ILRUN: variants seen among roughly 807,000 people sequenced by gnomAD.
The protein encoded by ILRUN is inflammation and lipid regulator with UBA-like and NBR1-like domains.
Under a neutral mutation model 33.8 loss-of-function variants are expected in ILRUN, and 3 were observed. That is an observed-to-expected ratio of 0.09 (90% CI 0.04 to 0.23). The LOEUF is 0.23. ILRUN is among the 10% of genes least tolerant of loss of function. ILRUN has a pLI of 1.00. For synonymous variants in ILRUN, 124 were observed against 138.9 expected, an observed-to-expected ratio of 0.89 and a Z score of 0.75; for missense variants, 210 against 375.1, an observed-to-expected ratio of 0.56 and a Z score of 3.64.
intron 4 of ILRUN, among the ~76,000 whole-genome samples, chr6:34,591,405 C>T (rs1340047325): frequency 5.3e-5 from 8 of 152,064 alleles, no homozygotes; most frequent in African/African-American, 1.7e-4. Flanking sequence ...TGAAGTGGGA[C>T]GATCACTTGA....
At chr6:34,620,159 G>GAT (rs1174795174) in intron 3 of ILRUN, among the ~76,000 whole-genome samples, 1 of 151,976 alleles carries the variant, frequency 6.6e-6, no homozygotes, top group Non-Finnish European at 1.5e-5. Context: ...GGCAGGGATG[G>GAT]ATATATATTA....
At chr6:34,622,337 A>G (rs1762028318) in intron 3 of ILRUN, among the ~76,000 whole-genome samples, 1 of 152,200 alleles carries the variant, frequency 6.6e-6, no homozygotes, top group Admixed American at 6.5e-5. Flanking sequence ...AGGGGTTAAT[A>G]TCTCAAATAT....
chr6:34,684,467 T>C (rs935266346), intron 1 of ILRUN, among the ~76,000 whole-genome samples: 2 of 152,166 alleles, frequency 1.3e-5, no homozygotes, highest in African/African-American at 4.8e-5. Flanking sequence ...AAGAAAAAAA[T>C]TAAGCCTTTT....
chr6:34,670,434 G>T (rs572459454), intron 1 of ILRUN, among the ~76,000 whole-genome samples: 65 of 152,220 alleles, frequency 4.3e-4, no homozygotes, highest in Middle Eastern at 3.4e-3. Context: ...TTCAGTAAAG[G>T]TACTTAAAAG....
intron 2 of ILRUN, among the ~76,000 whole-genome samples, chr6:34,653,929 A>G (rs1248758451): frequency 4.7e-5 from 7 of 149,872 alleles, no homozygotes. Context: ...CATGATCACA[A>G]CATTGCACTC....
rs771250821 is a variant in ILRUN, at chr6:34,672,472, G to C, written c.159-17693C>G. Among the ~76,000 whole-genome samples, 91 of 152,076 alleles carry C rather than the reference G, an allele frequency of 6.0e-4. 2 individuals carry two copies. The highest frequency in any genetic ancestry group is 4.9e-4 in the Non-Finnish European group (33 of 68,018). On this transcript the variant is annotated intron_variant, in intron 1 of 4. Transcript: ENST00000374023. ...GGCTCACCTCTAATCCCAGCATTTT[G>C]GGAGGCTGAGGTGGGAGGATCTCAT...
At chr6:34,666,496 G>A (rs1353892068) in intron 1 of ILRUN, among the ~76,000 whole-genome samples, 4 of 152,140 alleles carry the variant, frequency 2.6e-5, no homozygotes, top group Non-Finnish European at 5.9e-5. Context: ...GGGAGGCAGA[G>A]GTTGCAGTGA....
intron 4 of ILRUN, among the ~76,000 whole-genome samples, chr6:34,600,393 T>G (rs1316220566): frequency 1.3e-5 from 2 of 152,206 alleles, no homozygotes; most frequent in East Asian, 3.8e-4. Context: ...TTTCTCCAGA[T>G]AGGCTTTACA....
intron 3 of ILRUN, among the ~76,000 whole-genome samples, chr6:34,637,392 G>T (rs1762385493): frequency 6.6e-6 from 1 of 152,058 alleles, no homozygotes. Context: ...TTGATTTTAA[G>T]AATTTTTTAA....
intron 4 of ILRUN, among the ~76,000 whole-genome samples, chr6:34,596,339 C>T (rs558854202): frequency 6.6e-6 from 1 of 152,162 alleles, no homozygotes; most frequent in Non-Finnish European, 1.5e-5. Context: ...CTCATTGCAA[C>T]CTCCACCTCC....
At chr6:34,681,349 GC>G (rs544810953) in intron 1 of ILRUN, among the ~76,000 whole-genome samples, 1 of 152,000 alleles carries the variant, frequency 6.6e-6, no homozygotes, top group Non-Finnish European at 1.5e-5. Flanking sequence ...GGAATAAACT[GC>G]CCCCCCTCCC....
intron 1 of ILRUN, among the ~76,000 whole-genome samples, chr6:34,667,625 C>T (rs953509239): frequency 6.6e-6 from 1 of 152,142 alleles, no homozygotes; most frequent in Non-Finnish European, 1.5e-5. Flanking sequence ...ACTATCTTAA[C>T]CAAATATTCA....
intron 3 of ILRUN, chr6:34,616,861 A>G: frequency 1.5e-6 from 1 of 683,998 alleles, no homozygotes; most frequent in Non-Finnish European, 2.7e-6. Flanking sequence ...GCCTTCATCA[A>G]ATCTTTAATG....
At chr6:34,605,324 A>C (rs9469815) in intron 4 of ILRUN, among the ~76,000 whole-genome samples, 6,033 of 103,042 alleles carry the variant, frequency 0.059, 78 homozygotes, top group Non-Finnish European at 0.086. Flanking sequence ...AAAACAAAAA[A>C]AAAAAAAAAA....
chr6:34,644,938 A>C, intron 3 of ILRUN, among the ~76,000 whole-genome samples: 1 of 152,170 alleles, frequency 6.6e-6, no homozygotes, highest in Non-Finnish European at 1.5e-5. Context: ...GGGATGACTG[A>C]AGATGGGAGT....
chr6:34,593,852 A>G (rs1295681220), intron 4 of ILRUN, among the ~76,000 whole-genome samples: 8 of 152,192 alleles, frequency 5.3e-5, no homozygotes, highest in Non-Finnish European at 8.8e-5. Context: ...CACAGGCAAC[A>G]TAACACCAGT....
rs143889021 is a variant in ILRUN at position 34,592,042 on chromosome 6, G to A, written c.862-1442C>T. On this transcript the variant is annotated intron_variant, in intron 4 of 4. Coordinates refer to ENST00000374023, the MANE Select transcript of ILRUN (RefSeq NM_024294.4). This position sits in a 1 kb window ranked among gnomAD's most constrained non-coding sequence, Gnocchi z 4.0. ...CATCAAAAGCAGCTACACAAACCAC[G>A]AACACGCTGGACCATGACGTGTGCT... Among the ~76,000 whole-genome samples the A allele has an allele frequency of 7.9e-5, 12 of 152,176 alleles. No individual in the cohort carries two copies. The East Asian group carries it at 2.1e-3, about 27-fold the overall frequency.
At chr6:34,655,612 T>C (rs9942450) in intron 1 of ILRUN, among the ~76,000 whole-genome samples, 4,709 of 152,268 alleles carry the variant, frequency 0.031, 197 homozygotes, top group African/African-American at 0.09. Context: ...CAGTGGACTT[T>C]TGAGTTTGTT....
At position 34,606,690 on chromosome 6, in the gene ILRUN, T is replaced by C; in HGVS notation, c.726A>G (p.Thr242=). 2 of 1,614,120 alleles carry C rather than the reference T, an allele frequency of 1.2e-6. No homozygotes were observed. ...CCCATGTGTCAGGAGCAGGAGCCCA[T>C]GTGTTTTTGCTGATCGAGTCGAACT... The part of the protein sequence containing the change: ...GSEFDSISKN[T]WAPAPDTWAP... Residue 242 remains threonine (T), a synonymous_variant, in exon 4 of 5, where the codon ACA becomes ACG. Coordinates refer to ENST00000374023, the MANE Select transcript of ILRUN (RefSeq NM_024294.4).
Sources: gnomAD v4.1 joint callset for allele counts (sites outside exome capture counted in the v4.1 genomes callset) on GRCh38, gnomAD v4.1.1 for gene constraint, Gnocchi (gnomAD v3.1) non-coding constraint, MANE v1.5 for transcripts, NCBI Gene and HGNC (gene_info 2026-07-23, HGNC 2026-07-21) for gene names.